Variants in SNTG1 observed in about 807,000 individuals in gnomAD.
The protein encoded by SNTG1 is gamma-1-syntrophin.
SNTG1 carries 39 observed loss-of-function variants against 74.7 expected under a neutral mutation model. The observed-to-expected ratio is 0.52, with a 90% CI of 0.40 to 0.68. SNTG1 has a LOEUF of 0.68. Ranked by LOEUF, SNTG1 falls within the 30% of genes least tolerant of loss-of-function variation. SNTG1 has a pLI of 0.00. For synonymous variants in SNTG1, 254 were observed against 217.1 expected (o/e 1.17, Z -1.49); for missense variants, 685 against 609.5 (o/e 1.12, Z -1.30).
chr8:50,494,120 TAC>T lies in SNTG1; in HGVS notation c.364-8638_364-8637del, dbSNP rs911727660. Among the ~76,000 whole-genome samples the T allele has an allele frequency of 9.4e-4, 139 of 148,594 alleles. 1 individual carries two copies. The highest frequency in any genetic ancestry group is 1.9e-3 in the African/African-American group (77 of 40,644). On this transcript the variant is annotated intron_variant, in intron 8 of 18. Transcript: ENST00000642720. The stretch of plus-strand genomic sequence containing the variant: ...GGAGAAACATGTATATATGTATATA[TAC>T]ACACACACACACACACACATATATA...
chr8:50,558,200 T>G (rs1035380919), intron 12 of SNTG1, among the ~76,000 whole-genome samples: 1 of 152,170 alleles, frequency 6.6e-6, no homozygotes, highest in African/African-American at 2.4e-5. Context: ...GGATTTTCTC[T>G]CTGAGTTTCC....
At chr8:50,040,510 T>C (rs1388183004) in intron 1 of SNTG1, among the ~76,000 whole-genome samples, 1 of 152,164 alleles carries the variant, frequency 6.6e-6, no homozygotes, top group Non-Finnish European at 1.5e-5. Context: ...TAAAAACTTA[T>C]TGGAGAAGAG....
intron 4 of SNTG1, among the ~76,000 whole-genome samples, chr8:50,408,327 C>T (rs1256827636): frequency 6.6e-6 from 1 of 152,162 alleles, no homozygotes; most frequent in Non-Finnish European, 1.5e-5. Flanking sequence ...AAATCCCTCC[C>T]ATAGTTATTT....
intron 2 of SNTG1, among the ~76,000 whole-genome samples, chr8:50,231,838 C>T (rs373122423): frequency 2.0e-5 from 3 of 151,238 alleles, no homozygotes; most frequent in East Asian, 3.9e-4. Flanking sequence ...GAGTACTGTA[C>T]ATTTCAGTTT....
At chr8:50,317,079 C>T (rs1563887726) in intron 2 of SNTG1, among the ~76,000 whole-genome samples, 1 of 152,086 alleles carries the variant, frequency 6.6e-6, no homozygotes, top group Non-Finnish European at 1.5e-5. Flanking sequence ...GAAGGAAAAG[C>T]TATTGGAGGT....
chr8:50,225,504 A>C (rs922190128), intron 2 of SNTG1, among the ~76,000 whole-genome samples: 1 of 152,148 alleles, frequency 6.6e-6, no homozygotes, highest in Non-Finnish European at 1.5e-5. Context: ...GACAGAACCA[A>C]TGCTCATCTT....
At chr8:50,227,878 T>G (rs1442007006) in intron 2 of SNTG1, among the ~76,000 whole-genome samples, 4 of 143,782 alleles carry the variant, frequency 2.8e-5, no homozygotes, top group African/African-American at 1.0e-4. Flanking sequence ...TTATACTCAA[T>G]GCAATACGTC....
At chr8:50,243,690 T>TG (rs1178774682) in intron 2 of SNTG1, among the ~76,000 whole-genome samples, 3 of 151,216 alleles carry the variant, frequency 2.0e-5, no homozygotes, top group Non-Finnish European at 1.5e-5. Flanking sequence ...ATTAATTAAT[T>TG]TTTTTTTTAC....
At chr8:50,183,855 C>T (rs947731858) in intron 2 of SNTG1, among the ~76,000 whole-genome samples, 2 of 152,098 alleles carry the variant, frequency 1.3e-5, no homozygotes, top group African/African-American at 4.8e-5. Context: ...TGTCTTTTAT[C>T]GCTGTATTTA....
chr8:50,512,383 A>T (rs928820477), intron 9 of SNTG1, among the ~76,000 whole-genome samples: 1 of 151,556 alleles, frequency 6.6e-6, no homozygotes, highest in Non-Finnish European at 1.5e-5. Context: ...TGAATCTGAC[A>T]ATTATGTGTC....
At chr8:50,179,856 T>TG (rs989094407) in intron 2 of SNTG1, among the ~76,000 whole-genome samples, 5 of 152,182 alleles carry the variant, frequency 3.3e-5, no homozygotes, top group Non-Finnish European at 4.4e-5. Context: ...ACAGCTATTG[T>TG]GAAAAACTGC....
At chr8:50,148,148 A>G (rs2081936786) in intron 1 of SNTG1, among the ~76,000 whole-genome samples, 1 of 152,136 alleles carries the variant, frequency 6.6e-6, no homozygotes, top group East Asian at 1.9e-4. Flanking sequence ...GTATATGTAT[A>G]TATCTATAGA....
intron 18 of SNTG1, among the ~76,000 whole-genome samples, chr8:50,788,409 A>C (rs781683814): frequency 1.3e-5 from 2 of 151,734 alleles, no homozygotes; most frequent in East Asian, 3.9e-4. Context: ...TTGCATGGCC[A>C]TGTTACTGTG....
chr8:50,779,335 G>T (rs2095651208), intron 18 of SNTG1, among the ~76,000 whole-genome samples: 1 of 152,158 alleles, frequency 6.6e-6, no homozygotes, highest in Non-Finnish European at 1.5e-5. Flanking sequence ...CTACCCATGA[G>T]GGTGGAATGT....
intron 1 of SNTG1, among the ~76,000 whole-genome samples, chr8:50,126,396 T>C (rs1452228493): frequency 1.3e-5 from 2 of 152,120 alleles, no homozygotes; most frequent in Admixed American, 1.3e-4. Context: ...AGAAGCTTTT[T>C]CAGAATGTTT....
At chr8:50,415,518 G>A (rs569594103) in intron 4 of SNTG1, among the ~76,000 whole-genome samples, 1 of 151,900 alleles carries the variant, frequency 6.6e-6, no homozygotes, top group East Asian at 1.9e-4. Context: ...TCTCATTTTT[G>A]TCAACAATAT....
chr8:50,242,919 T>C lies in SNTG1; in HGVS notation c.-28+70284T>C, dbSNP rs572213965. Among the ~76,000 whole-genome samples the C allele has an allele frequency of 6.3e-4, 96 of 152,168 alleles. 2 individuals are homozygous for C. The highest frequency in any genetic ancestry group is 3.3e-3 in the South Asian group (16 of 4,828). On this transcript the variant is annotated intron_variant, in intron 2 of 18. Coordinates refer to ENST00000642720, the MANE Select transcript of SNTG1 (RefSeq NM_018967.5). ...TGTATGTTTTTAGAATAGCATTGCATAGAAATCATGAAATTTTCTTTGATT... is the reference window on the plus strand; with the variant it reads ...TGTATGTTTTTAGAATAGCATTGCACAGAAATCATGAAATTTTCTTTGATT...
intron 1 of SNTG1, among the ~76,000 whole-genome samples, chr8:50,056,514 T>C (rs1255387986): frequency 2.0e-5 from 3 of 152,144 alleles, no homozygotes; most frequent in African/African-American, 4.8e-5. Context: ...TTTCAAGATA[T>C]ATAGCCCAGT....
Position 50,274,110 on chromosome 8 carries a change from TG to T in SNTG1, c.-28+101477del, listed in dbSNP as rs1380793989. Among the ~76,000 whole-genome samples, 11 of 152,192 alleles carry T rather than the reference TG, an allele frequency of 7.2e-5. 1 individual carries two copies. The East Asian group carries it at 2.1e-3, about 29-fold the overall frequency. Reference sequence around the variant, plus strand: ...GTTGTTGTTGTTGTTGCTTTTGAGATGGAGTCTCGCTCTGTTACCCAGGCTG... The same window carrying T: ...GTTGTTGTTGTTGTTGCTTTTGAGATGAGTCTCGCTCTGTTACCCAGGCTG... On this transcript the variant is annotated intron_variant, in intron 2 of 18. Coordinates refer to ENST00000642720, the MANE Select transcript of SNTG1 (RefSeq NM_018967.5).
Sources: gnomAD v4.1 joint callset for allele counts (sites outside exome capture counted in the v4.1 genomes callset) on GRCh38, gnomAD v4.1.1 for gene constraint, MANE v1.5 for transcripts, NCBI Gene and HGNC (gene_info 2026-07-23, HGNC 2026-07-21) for gene names.